CNTNAP2: variants seen among roughly 807,000 people sequenced by gnomAD.
CNTNAP2 encodes the protein contactin associated protein 2.
CNTNAP2 carries 98 observed loss-of-function variants against 155.2 expected under a neutral mutation model. That is an observed-to-expected ratio of 0.63 (90% CI 0.54 to 0.75). The LOEUF (loss-of-function observed/expected upper bound fraction) is 0.75, where lower values mean the gene tolerates loss of function less well. Among genes scored for constraint, CNTNAP2 ranks in the 30% least tolerant of loss-of-function variants. The pLI is 0.00. For missense variants in CNTNAP2, 1,727 were observed against 1,688.1 expected (o/e 1.02, Z -0.40); for synonymous variants, 651 against 631.2 (o/e 1.03, Z -0.47).
At chr7:147,610,996 T>C (rs553408996) in intron 12 of CNTNAP2, among the ~76,000 whole-genome samples, 44 of 152,202 alleles carry the variant, frequency 2.9e-4, no homozygotes, top group African/African-American at 8.9e-4. Flanking sequence ...CACCTCAGCC[T>C]CCCAGAGTGC....
chr7:148,229,786 A>C lies in CNTNAP2; in HGVS notation c.3381+7A>C. 6.2e-7 allele frequency: 1 copy of C among 1,614,022 alleles called. No individual in the cohort carries two copies. ...GAAGACCATCTTTCTCAAGGTATAC[A>C]TACATGTACATATAAATTACATATA... On this transcript the variant is annotated splice_region_variant and intron_variant, in intron 20 of 23. Coordinates refer to ENST00000361727, the MANE Select transcript of CNTNAP2 (RefSeq NM_014141.6).
chr7:147,282,018 G>A (rs1193680739), intron 8 of CNTNAP2, among the ~76,000 whole-genome samples: 1 of 151,814 alleles, frequency 6.6e-6, no homozygotes, highest in Non-Finnish European at 1.5e-5. Context: ...AAGGAGGGAG[G>A]TTAGAAGCCA....
At chr7:146,122,427 T>G (rs185633205) in intron 1 of CNTNAP2, among the ~76,000 whole-genome samples, 1 of 152,252 alleles carries the variant, frequency 6.6e-6, no homozygotes, top group African/African-American at 2.4e-5. Flanking sequence ...ATTTCCTCTC[T>G]GTGAGTTATT....
intron 8 of CNTNAP2, among the ~76,000 whole-genome samples, chr7:147,282,769 T>C (rs1805073569): frequency 6.6e-6 from 1 of 151,860 alleles, no homozygotes; most frequent in South Asian, 2.1e-4. Context: ...CTATTATTTA[T>C]ATGTAGAGAA....
chr7:147,499,600 C>T (rs1194926720), intron 11 of CNTNAP2, among the ~76,000 whole-genome samples: 1 of 152,164 alleles, frequency 6.6e-6, no homozygotes, highest in East Asian at 1.9e-4. Flanking sequence ...CTCTGAAATG[C>T]TACCTTCTTA....
intron 15 of CNTNAP2, among the ~76,000 whole-genome samples, chr7:148,013,518 G>T (rs77503388): frequency 0.04 from 6,052 of 152,220 alleles, 250 homozygotes; most frequent in East Asian, 0.25. Context: ...ATTATTTTAT[G>T]ATCTCTCTGT....
intron 2 of CNTNAP2, among the ~76,000 whole-genome samples, chr7:146,823,435 C>A (rs377199704): frequency 0.013 from 1,155 of 85,588 alleles, 37 homozygotes; most frequent in African/African-American, 0.041. Context: ...CAGTATATTT[C>A]CATGGAAATA....
At chr7:147,965,388 C>T (rs1168179210) in intron 14 of CNTNAP2, among the ~76,000 whole-genome samples, 2 of 151,950 alleles carry the variant, frequency 1.3e-5, no homozygotes, top group Non-Finnish European at 2.9e-5. Context: ...TGCCCTATTG[C>T]TTCTTCCATT....
chr7:147,530,732 A>G (rs192116374), intron 11 of CNTNAP2, among the ~76,000 whole-genome samples: 3 of 152,262 alleles, frequency 2.0e-5, no homozygotes, highest in Admixed American at 2.0e-4. Flanking sequence ...TGACTCCTCC[A>G]AATCTCATGT....
intron 13 of CNTNAP2, among the ~76,000 whole-genome samples, chr7:147,785,706 T>C (rs564628013): frequency 6.6e-6 from 1 of 152,306 alleles, no homozygotes; most frequent in Non-Finnish European, 1.5e-5. Flanking sequence ...AACAATAAGC[T>C]ACAGACTGGG....
rs57484419 is a variant in CNTNAP2, at chr7:146,426,185, C to CAAAAAAAAAAAAAAAAAAAA, written c.97+309218_97+309237dup. ...TGGGCTACAGAGTGAGACTTCGCCT[C>CAAAAAAAAAAAAAAAAAAAA]AAAAAAAAAAAAAAAAAAAAAAAAA... is the stretch of plus-strand genomic sequence containing the variant. On this transcript the variant is annotated intron_variant, in intron 1 of 23. Transcript: ENST00000361727. Among the ~76,000 whole-genome samples the CAAAAAAAAAAAAAAAAAAAA allele has an allele frequency of 3.1e-4, 17 of 54,630 alleles. 1 individual carries two copies. Among genetic ancestry groups the CAAAAAAAAAAAAAAAAAAAA allele is most frequent in the African/African-American group, 1.2e-3 (16 of 13,458 alleles). The allele number at this position is 54,630 out of a possible 152,430, so 35.8% of individuals were successfully genotyped here. A position where few individuals can be genotyped will look rare whatever the true frequency, so the allele number is the denominator to read the frequency against.
At chr7:147,664,034 TA>T (rs1251595490) in intron 13 of CNTNAP2, among the ~76,000 whole-genome samples, 1 of 152,200 alleles carries the variant, frequency 6.6e-6, no homozygotes, top group African/African-American at 2.4e-5. Flanking sequence ...CACAAGACAT[TA>T]ACAGAGTACT....
At chr7:146,858,666 C>T (rs1231791813) in intron 3 of CNTNAP2, among the ~76,000 whole-genome samples, 1 of 152,110 alleles carries the variant, frequency 6.6e-6, no homozygotes, top group Non-Finnish European at 1.5e-5. Flanking sequence ...TGCACTCCAG[C>T]CTGGGGCAAC....
At chr7:146,969,891 T>G (rs553768302) in intron 3 of CNTNAP2, among the ~76,000 whole-genome samples, 109 of 152,178 alleles carry the variant, frequency 7.2e-4, no homozygotes, top group Admixed American at 2.3e-3. Context: ...AACAGAGCCC[T>G]CAGAAATAAT....
chr7:147,805,122 A>C (rs924486446), intron 13 of CNTNAP2, among the ~76,000 whole-genome samples: 12 of 151,086 alleles, frequency 7.9e-5, no homozygotes, highest in Non-Finnish European at 1.8e-4. Flanking sequence ...CCCAGGCTAG[A>C]GTGCAATGGT....
chr7:146,172,356 T>C (rs113529021), intron 1 of CNTNAP2, among the ~76,000 whole-genome samples: 2,311 of 152,116 alleles, frequency 0.015, 50 homozygotes, highest in African/African-American at 0.052. Flanking sequence ...ACTGTGTACA[T>C]GACCACCCCC....
At chr7:148,201,130 T>A (rs1219411503) in intron 18 of CNTNAP2, among the ~76,000 whole-genome samples, 1 of 152,242 alleles carries the variant, frequency 6.6e-6, no homozygotes, top group African/African-American at 2.4e-5. Flanking sequence ...GTCAGATTTA[T>A]ATTCAAATCT....
rs1016026436 is a variant in CNTNAP2 at position 147,385,817 on chromosome 7, G to A, written c.1499-9792G>A. ...CCTCCTCTCACAGCTCCACTAGGCA[G>A]TGCCCCAGTAGAGACTCTGTGTGGG... is the stretch of plus-strand genomic sequence containing the variant. On this transcript the variant is annotated intron_variant, in intron 9 of 23. Transcript: ENST00000361727. Among the ~76,000 whole-genome samples the A allele has an allele frequency of 1.4e-4, 22 of 152,338 alleles. No homozygotes were observed. The South Asian group carries it at 4.6e-3, about 32-fold the overall frequency.
intron 10 of CNTNAP2, among the ~76,000 whole-genome samples, chr7:147,425,584 T>G (rs1797365601): frequency 6.6e-6 from 1 of 152,074 alleles, no homozygotes; most frequent in Non-Finnish European, 1.5e-5. Flanking sequence ...TCCACCCCAT[T>G]GTCAAACCAA....
Sources: gnomAD v4.1 joint callset for allele counts (sites outside exome capture counted in the v4.1 genomes callset) on GRCh38, gnomAD v4.1.1 for gene constraint, MANE v1.5 for transcripts, NCBI Gene and HGNC (gene_info 2026-07-23, HGNC 2026-07-21) for gene names.